Variants in HMCN2 observed in about 807,000 individuals in gnomAD.
The protein encoded by HMCN2 is hemicentin-2.
Under a neutral mutation model 377.5 loss-of-function variants are expected in HMCN2, and 325 were observed. The ratio of observed to expected loss-of-function variants is 0.86; its 90% CI spans 0.79 to 0.94. The LOEUF (loss-of-function observed/expected upper bound fraction) is 0.94, where lower values mean the gene tolerates loss of function less well. Among genes scored for constraint, HMCN2 ranks in the 40% least tolerant of loss-of-function variants. HMCN2 has a pLI of 0.00. For missense variants in HMCN2, 4,543 were observed against 4,725.3 expected (o/e 0.96, Z 1.13); for synonymous variants, 2,007 against 2,046.8 (o/e 0.98, Z 0.53).
At chr9:130,316,496 G>A (rs972898464) in intron 15 of HMCN2, among the ~76,000 whole-genome samples, 63 of 152,192 alleles carry the variant, frequency 4.1e-4, no homozygotes, top group Admixed American at 1.5e-3. Flanking sequence ...CCCATCCCAG[G>A]CTGGTGGCAG....
chr9:130,401,031 AT>A, intron 77 of HMCN2, 84 bp downstream of exon 77: 1 of 1,165,162 alleles, frequency 8.6e-7, no homozygotes. Context: ...ACATGGCGGA[AT>A]AGGATGGAAC....
rs1029351209 is a variant in HMCN2, at chr9:130,272,047, T to C, written c.259+5910T>C. On this transcript the variant is annotated intron_variant, in intron 1 of 97. Transcript: ENST00000683500. ...CTGTCTCCTGCCACCCACCATCCCT[T>C]TACTTTACTGTTTAGTTCCAGTATA... 4.0e-5 allele frequency among the ~76,000 whole-genome samples: 6 copies of C among 148,954 alleles called. No individual in the cohort carries two copies. In the South Asian group the frequency reaches 1.3e-3, roughly 32 times the overall value.
intron 85 of HMCN2, 68 bp downstream of exon 85, chr9:130,410,720 C>A: frequency 2.2e-6 from 3 of 1,339,320 alleles, no homozygotes; most frequent in South Asian, 1.3e-5. Flanking sequence ...GCGTGTGCAG[C>A]CTAGAGGGCA....
At chr9:130,273,757 C>T (rs1008227613) in intron 1 of HMCN2, among the ~76,000 whole-genome samples, 1 of 152,220 alleles carries the variant, frequency 6.6e-6, no homozygotes, top group Admixed American at 6.5e-5. Context: ...CTCAGCCTCC[C>T]AAAGTGCTGG....
In HMCN2 at chr9:130,386,574, A is replaced by T. The variant is rs138367364; in HGVS notation, c.9391+50A>T. 6,984 of 1,206,654 alleles carry T rather than the reference A, an allele frequency of 5.8e-3. 32 individuals carry two copies. Among genetic ancestry groups the T allele is most frequent in the Non-Finnish European group, 7.3e-3 (6,669 of 910,746 alleles). The allele number at this position is 1,206,654 out of a possible 1,614,324, so 74.7% of individuals were successfully genotyped here. ...ACGTGACTGTGGAGCCCCTAGCAAC[A>T]CCCAGGGCTGCCAAGGAGGACAAAG... On this transcript the variant is annotated intron_variant, in intron 61 of 97. Coordinates refer to ENST00000683500, the MANE Select transcript of HMCN2 (RefSeq NM_001291815.2).
At chr9:130,349,793 A>C in intron 29 of HMCN2, 130 bp downstream of exon 29, 1 of 912,580 alleles carries the variant, frequency 1.1e-6, no homozygotes. Flanking sequence ...CAGGGCCCAG[A>C]CTGAGGGCTG....
intron 62 of HMCN2, 110 bp downstream of exon 62, chr9:130,388,650 C>A: frequency 1.4e-6 from 1 of 731,748 alleles, no homozygotes; most frequent in Non-Finnish European, 1.7e-6. Flanking sequence ...TTGGCAAAAC[C>A]AGAGACTGGC....
At chr9:130,276,494 A>T (rs1038119094) in intron 1 of HMCN2, among the ~76,000 whole-genome samples, 2 of 152,184 alleles carry the variant, frequency 1.3e-5, no homozygotes, top group Non-Finnish European at 2.9e-5. Context: ...TTGATTGAAC[A>T]TTAGCAGGTG....
chr9:130,432,405 C>T lies in HMCN2; in HGVS notation c.14768-24C>T, dbSNP rs138428811. The T allele has an allele frequency of 1.9e-4, 300 of 1,550,934 alleles. 3 individuals carry two copies. The East Asian group carries it at 5.6e-3, about 29-fold the overall frequency. On this transcript the variant is annotated intron_variant, in intron 96 of 97. Coordinates refer to ENST00000683500, the MANE Select transcript of HMCN2 (RefSeq NM_001291815.2). The stretch of plus-strand genomic sequence containing the variant: ...GCTCCATCTTTTCATCTCCCTCCCC[C>T]GCTTCACCAACTTCCCCATCCAGAC...
intron 1 of HMCN2, among the ~76,000 whole-genome samples, chr9:130,276,271 G>A (rs1834688426): frequency 6.6e-6 from 1 of 152,150 alleles, no homozygotes; most frequent in Non-Finnish European, 1.5e-5. Context: ...GGCACCTGCA[G>A]TCCAGCCAGA....
At chr9:130,354,253 C>A (rs998717608) in intron 31 of HMCN2, among the ~76,000 whole-genome samples, 7 of 152,100 alleles carry the variant, frequency 4.6e-5, no homozygotes, top group African/African-American at 1.7e-4. Flanking sequence ...TTTGGCGTGG[C>A]CACCATGGGC....
At position 130,374,744 on chromosome 9, in the gene HMCN2, G is replaced by A. The variant is rs377227090; in HGVS notation, c.7630+51G>A. ...CCGCGGGTGCTGGAGGGAGGGAGAA[G>A]CAAGGTGACTGGCTCCTTACAGACA... On this transcript the variant is annotated intron_variant, in intron 49 of 97. Coordinates refer to ENST00000683500, the MANE Select transcript of HMCN2 (RefSeq NM_001291815.2). The A allele has an allele frequency of 4.3e-6, 4 of 920,376 alleles. No homozygotes were observed. The East Asian group carries it at 3.5e-4, about 82-fold the overall frequency. 57.0% of individuals were successfully genotyped at this position (920,376 alleles called of 1,614,324 possible).
intron 4 of HMCN2, among the ~76,000 whole-genome samples, chr9:130,292,616 T>C (rs1340494030): frequency 1.3e-5 from 2 of 152,252 alleles, no homozygotes; most frequent in Non-Finnish European, 2.9e-5. Flanking sequence ...TTTTTGAGTA[T>C]CATTATGTGC....
rs1456512839 is a variant in HMCN2 at position 130,302,839 on chromosome 9, C to T, written c.1277-18C>T. 2.2e-6 allele frequency: 1 copy of T among 452,718 alleles called. No homozygotes were observed. The highest frequency in any genetic ancestry group is 2.4e-5 in the Admixed American group (1 of 41,292). The allele number at this position is 452,718 out of a possible 1,614,324, so 28.0% of individuals were successfully genotyped here. A position where few individuals can be genotyped will look rare whatever the true frequency, so the allele number is the denominator to read the frequency against. On this transcript the variant is annotated intron_variant, in intron 8 of 97. Transcript: ENST00000683500. ...GGGGCGGTGGGGAGACATTCTGAGTCCTGGTCCCCGCCTACAGGCGCTCCC... is the reference window on the plus strand; with the variant it reads ...GGGGCGGTGGGGAGACATTCTGAGTTCTGGTCCCCGCCTACAGGCGCTCCC...
At chr9:130,325,046 A>G (rs1370704534) in intron 19 of HMCN2, among the ~76,000 whole-genome samples, 1 of 147,570 alleles carries the variant, frequency 6.8e-6, no homozygotes, top group East Asian at 2.0e-4. Flanking sequence ...TCCTCCCCCA[A>G]CCTGGCAACC....
chr9:130,322,293 A>G (rs1285000056), intron 19 of HMCN2, among the ~76,000 whole-genome samples: 2 of 152,092 alleles, frequency 1.3e-5, no homozygotes, highest in African/African-American at 4.8e-5. Context: ...TAAATTACAT[A>G]AAAATTATCT....
At position 130,394,164 on chromosome 9, in the gene HMCN2, CCT is replaced by C. The variant is rs1432790582; in HGVS notation, c.10501+162_10501+163del. The stretch of plus-strand genomic sequence containing the variant: ...AGGGAACTTGGTTCTGGCTGGGATG[CCT>C]CTCTCACCTTCCTTGCCTGCGGGGA... On this transcript the variant is annotated intron_variant, in intron 68 of 97. Coordinates refer to ENST00000683500, the MANE Select transcript of HMCN2 (RefSeq NM_001291815.2). The surrounding 1 kb of genome is among the most constrained non-coding windows in gnomAD (Gnocchi z 5.1). Among the ~76,000 whole-genome samples, 6 of 152,100 alleles carry C rather than the reference CCT, an allele frequency of 3.9e-5. No individual in the cohort carries two copies. The highest frequency in any genetic ancestry group is 5.9e-5 in the Non-Finnish European group (4 of 67,992).
chr9:130,376,556 C>T lies in HMCN2; in HGVS notation c.7959C>T (p.Val2653=), dbSNP rs548230907. The T allele has an allele frequency of 8.7e-5, 86 of 985,828 alleles. No individual in the cohort carries two copies. Among genetic ancestry groups the T allele is most frequent in the African/African-American group, 3.5e-4 (20 of 57,344 alleles). The allele number at this position is 985,828 out of a possible 1,614,324, so 61.1% of individuals were successfully genotyped here. Residue 2653 remains valine (V), a synonymous_variant, in exon 52 of 98, where the codon GTC becomes GTT. Coordinates refer to ENST00000683500, the MANE Select transcript of HMCN2 (RefSeq NM_001291815.2). ...CCAAAGACGACCCCTTGGCGGAGGT[C>T]GGCGTGAAGGAGGTGAAGACCAAGG... ...SISKDDPLAE[V]GVKEVKTKVN... is the part of the protein sequence containing the mutation.
At chr9:130,424,169 A>ATATT (rs1491545716) in intron 87 of HMCN2, among the ~76,000 whole-genome samples, 2 of 68,494 alleles carry the variant, frequency 2.9e-5, no homozygotes, top group African/African-American at 1.0e-4. Flanking sequence ...ATATATATAT[A>ATATT]TTTTTTTTTT....
Sources: allele counts gnomAD v4.1 joint callset (sites outside exome capture counted in the v4.1 genomes callset), GRCh38; gene constraint gnomAD v4.1.1; non-coding constraint Gnocchi (gnomAD v3.1); transcripts MANE v1.5; gene names NCBI Gene and HGNC (gene_info 2026-07-23, HGNC 2026-07-21).